GRAMD2A: variants seen among roughly 807,000 people sequenced by gnomAD.
The protein encoded by GRAMD2A is GRAM domain-containing protein 2A.
A neutral mutation model predicts 51.1 loss-of-function variants in GRAMD2A; 37 were observed. That is an observed-to-expected ratio of 0.72 (90% CI 0.56 to 0.95). The LOEUF (loss-of-function observed/expected upper bound fraction) is 0.95, where lower values mean the gene tolerates loss of function less well. Ranked by LOEUF, GRAMD2A falls within the 40% of genes least tolerant of loss-of-function variation. The pLI, the probability that GRAMD2A is intolerant of heterozygous loss-of-function variation, is 0.00. For missense variants in GRAMD2A, 414 were observed against 426.9 expected (o/e 0.97, Z 0.27); for synonymous variants, 136 against 157.1 (o/e 0.87, Z 1.01).
At chr15:72,181,181 T>G (rs1244035901) in intron 1 of GRAMD2A, among the ~76,000 whole-genome samples, 1 of 152,122 alleles carries the variant, frequency 6.6e-6, no homozygotes, top group Admixed American at 6.6e-5. Flanking sequence ...AGCGAAGTGG[T>G]AAACAACAAG....
intron 4 of GRAMD2A, 145 bp downstream of exon 4, chr15:72,168,346 A>C (rs2081571107): frequency 2.9e-6 from 2 of 678,710 alleles, no homozygotes; most frequent in East Asian, 2.5e-5. Flanking sequence ...TCACCAGCCC[A>C]GTCTTCTCAC....
At chr15:72,169,268 C>T (rs768609016) in intron 2 of GRAMD2A, 25 of 534,006 alleles carry the variant, frequency 4.7e-5, no homozygotes, top group African/African-American at 3.1e-4. Flanking sequence ...CCTGGAGGTG[C>T]GCCTGGTCTC....
intron 1 of GRAMD2A, among the ~76,000 whole-genome samples, chr15:72,182,916 G>A (rs2081707362): frequency 6.6e-6 from 1 of 152,198 alleles, no homozygotes; most frequent in Non-Finnish European, 1.5e-5. Flanking sequence ...CTGTTGCCCA[G>A]GTTAGAGTAC....
In GRAMD2A at chr15:72,163,341, T is replaced by C. The variant is rs1006710967; in HGVS notation, c.881A>G (p.Glu294Gly). ...AGTGCTCCTGGGCTCCTCCTCCAGC[T>C]CATCCTCCTCATAGACAGCATTCTT... ...TAKNAVYEED[E>G]LEEEPRSTGE... The change falls in exon 10 of 12, where the codon GAG becomes GGG. Residue 294 changes from glutamate to glycine, a missense_variant. Coordinates refer to ENST00000309731, the MANE Select transcript of GRAMD2A (RefSeq NM_001012642.3). 1 of 1,614,002 alleles carries C rather than the reference T, an allele frequency of 6.2e-7. No individual in the cohort carries two copies. The highest frequency in any genetic ancestry group is 1.3e-5 in the African/African-American group (1 of 74,918).
At position 72,162,625 on chromosome 15, in the gene GRAMD2A, G is replaced by T. The variant is rs11854214; in HGVS notation, c.957-248C>A. 7.0e-3 allele frequency: 2,731 copies of T among 390,638 alleles called. 65 individuals are homozygous for T. Among genetic ancestry groups the T allele is most frequent in the African/African-American group, 0.051 (2,506 of 48,914 alleles). The allele number at this position is 390,638 out of a possible 1,614,324, so 24.2% of individuals were successfully genotyped here. ...CTGGGCCCTTCAGCTGAGCTCTGGGGGGAGCTCTGGCCAGACAGCCAGATC... is the reference window on the plus strand; with the variant it reads ...CTGGGCCCTTCAGCTGAGCTCTGGGTGGAGCTCTGGCCAGACAGCCAGATC... On this transcript the variant is annotated intron_variant, in intron 10 of 11. Transcript: ENST00000309731.
chr15:72,185,492 C>T (rs899806186), intron 1 of GRAMD2A, among the ~76,000 whole-genome samples: 1 of 152,192 alleles, frequency 6.6e-6, no homozygotes, highest in Admixed American at 6.5e-5. Flanking sequence ...CCATTCCTGG[C>T]CTGAGTCAAA....
chr15:72,171,835 A>ATT (rs143285493), intron 1 of GRAMD2A, among the ~76,000 whole-genome samples: 1,944 of 144,424 alleles, frequency 0.013, 36 homozygotes, highest in South Asian at 0.025. Context: ...TGGCTTTTTT[A>ATT]TTTTTTTTTT....
intron 8 of GRAMD2A, among the ~76,000 whole-genome samples, chr15:72,164,239 C>A (rs749514299): frequency 1.3e-5 from 2 of 152,124 alleles, no homozygotes; most frequent in African/African-American, 2.4e-5. Context: ...ACTAAAGGAG[C>A]CTTCAAACAC....
Position 72,186,589 on chromosome 15 carries a change from C to T in GRAMD2A, c.41+11142G>A, listed in dbSNP as rs558572355. 7.9e-5 allele frequency among the ~76,000 whole-genome samples: 12 copies of T among 152,290 alleles called. No homozygotes were observed. In the East Asian group the frequency reaches 2.3e-3, roughly 29 times the overall value. ...CTGTCTGCCTTGGCCTCCCAAAGTG[C>T]TGGGATTACGGGCGTGAGCCACTGT... On this transcript the variant is annotated intron_variant, in intron 1 of 11. Transcript: ENST00000309731.
intron 1 of GRAMD2A, chr15:72,173,989 G>GT (rs2081633682): frequency 6.7e-6 from 1 of 149,716 alleles, no homozygotes. Context: ...CAAGAGGATG[G>GT]TTGCAAGCCA....
chr15:72,193,222 C>T (rs530474362), intron 1 of GRAMD2A, among the ~76,000 whole-genome samples: 4 of 151,978 alleles, frequency 2.6e-5, no homozygotes, highest in East Asian at 1.9e-4. Flanking sequence ...TAAATGATGA[C>T]CAATCATTTC....
At chr15:72,162,133 C>G in intron 11 of GRAMD2A, 121 bp from the exon 12 acceptor site, 1 of 1,381,346 alleles carries the variant, frequency 7.2e-7, no homozygotes, top group Non-Finnish European at 1.0e-6. Flanking sequence ...CTGGTGTACC[C>G]TGCACGCTGC....
chr15:72,194,517 G>A (rs1425763654), intron 1 of GRAMD2A, among the ~76,000 whole-genome samples: 1 of 152,132 alleles, frequency 6.6e-6, no homozygotes, highest in Admixed American at 6.6e-5. Flanking sequence ...AGAGAAAACA[G>A]CAGGCATATA....
At chr15:72,168,199 G>T (rs938995930) in intron 4 of GRAMD2A, among the ~76,000 whole-genome samples, 1 of 152,172 alleles carries the variant, frequency 6.6e-6, no homozygotes, top group African/African-American at 2.4e-5. Flanking sequence ...TTGTGCAAAT[G>T]CCCCCACCTG....
rs1027282683 is a variant in GRAMD2A at position 72,163,472 on chromosome 15, C to T, written c.750G>A (p.Lys250=). ...FPSRKPPMSE[K]SRAQVASENG... ...TTTCTGAAGCTACTTGGGCTCTTGA[C>T]TTTTCTTTATGGATTGGGAGAAAAA... Residue 250 remains lysine (K), a synonymous_variant, in exon 10 of 12, where the codon AAG becomes AAA. Transcript: ENST00000309731. 5 of 1,613,422 alleles carry T rather than the reference C, an allele frequency of 3.1e-6. No homozygotes were observed. The African/African-American group carries it at 4.0e-5, about 13-fold the overall frequency.
intron 1 of GRAMD2A, among the ~76,000 whole-genome samples, chr15:72,193,476 C>G (rs1185409445): frequency 1.3e-5 from 2 of 152,038 alleles, no homozygotes; most frequent in Non-Finnish European, 2.9e-5. Flanking sequence ...CCTCAGCCCC[C>G]CAAAGTGCTG....
At chr15:72,171,037 CTG>C (rs1200441291) in intron 1 of GRAMD2A, among the ~76,000 whole-genome samples, 8 of 152,230 alleles carry the variant, frequency 5.3e-5, no homozygotes, top group African/African-American at 1.2e-4. Context: ...GATTATGAAA[CTG>C]AGACCTGCCA....
intron 1 of GRAMD2A, among the ~76,000 whole-genome samples, chr15:72,187,204 G>GATATAAT (rs747056350): frequency 2.0e-5 from 3 of 150,688 alleles, no homozygotes; most frequent in Non-Finnish European, 4.4e-5. Context: ...AGATCAGTAT[G>GATATAAT]ATATAATCTA....
chr15:72,193,554 G>C (rs898898262), intron 1 of GRAMD2A, among the ~76,000 whole-genome samples: 12 of 142,274 alleles, frequency 8.4e-5, no homozygotes, highest in African/African-American at 2.9e-4. Context: ...ACGCAGTCTT[G>C]CTCTGTCGCC....
Sources: allele counts gnomAD v4.1 joint callset (sites outside exome capture counted in the v4.1 genomes callset), GRCh38; gene constraint gnomAD v4.1.1; transcripts MANE v1.5; gene names NCBI Gene and HGNC (gene_info 2026-07-23, HGNC 2026-07-21).